The following RAB21 variants were observed in gnomAD, a reference collection of about 807,000 sequenced individuals.
RAB21 encodes the protein RAB21, member RAS oncogene family.
Under a neutral mutation model 33.1 loss-of-function variants are expected in RAB21, and 13 were observed. That is an observed-to-expected ratio of 0.39 (90% confidence interval 0.26 to 0.62). The LOEUF is 0.62. RAB21 is among the 20% of genes least tolerant of loss of function. The pLI, the probability that RAB21 is intolerant of heterozygous loss-of-function variation, is 0.48. For synonymous variants in RAB21, 91 were observed against 103.7 expected, an observed-to-expected ratio of 0.88 and a Z score of 0.74; for missense variants, 234 against 279.1, an observed-to-expected ratio of 0.84 and a Z score of 1.15.
In RAB21 at chr12:71,769,840, G is replaced by A; in HGVS notation, c.200G>A (p.Arg67Lys). The change falls in exon 2 of 7, where the codon AGA becomes AAA. Residue 67 changes from arginine (R) to lysine (K), a missense_variant. Coordinates refer to ENST00000261263, the MANE Select transcript of RAB21 (RefSeq NM_014999.4). ...AAGAAGTTAAATATTGGTGGGAAAA[G>A]AGTAAACCTTGCCATATGGGTAAGT... ...LTKKLNIGGK[R>K]VNLAIWDTAG... 2.2e-6 allele frequency: 3 copies of A among 1,383,876 alleles called. No individual in the cohort carries two copies. The highest frequency in any genetic ancestry group is 1.8e-5 in the South Asian group (1 of 56,046). 85.7% of individuals were successfully genotyped at this position (1,383,876 alleles called of 1,614,324 possible).
At chr12:71,781,503 A>G (rs1446177212) in intron 4 of RAB21, among the ~76,000 whole-genome samples, 15 of 151,684 alleles carry the variant, frequency 9.9e-5, no homozygotes, top group Admixed American at 9.8e-4. Context: ...TTTTCCCCTT[A>G]TGATTGTGGA....
chr12:71,770,288 G>T (rs191232370), intron 2 of RAB21, among the ~76,000 whole-genome samples: 1 of 152,140 alleles, frequency 6.6e-6, no homozygotes, highest in Non-Finnish European at 1.5e-5. Context: ...TTATAATACT[G>T]TGTTGGTTGT....
intron 4 of RAB21, 129 bp from the exon 5 acceptor site, chr12:71,781,902 T>C: frequency 1.5e-6 from 1 of 659,138 alleles, no homozygotes; most frequent in East Asian, 2.8e-5. Context: ...TTCAAGACAT[T>C]AGAAGTCTGG....
chr12:71,754,985 C>A lies in RAB21; in HGVS notation c.-145C>A. 1 of 782,522 alleles carries A rather than the reference C, an allele frequency of 1.3e-6. No homozygotes were observed. Among genetic ancestry groups the A allele is most frequent in the Non-Finnish European group, 1.6e-6 (1 of 640,976 alleles). 48.5% of individuals were successfully genotyped at this position (782,522 alleles called of 1,614,324 possible). A position where few individuals can be genotyped will look rare whatever the true frequency, so the allele number is the denominator to read the frequency against. ...GGACTTTCCCTCAGCCCTTCCAGGCCTCGCCCGAGGAGGGCGTGGGGACAG... is the reference window on the plus strand; with the variant it reads ...GGACTTTCCCTCAGCCCTTCCAGGCATCGCCCGAGGAGGGCGTGGGGACAG... On this transcript the variant is annotated 5_prime_UTR_variant, in exon 1 of 7. Coordinates refer to ENST00000261263, the MANE Select transcript of RAB21 (RefSeq NM_014999.4).
At chr12:71,767,840 C>T (rs1882984668) in intron 1 of RAB21, among the ~76,000 whole-genome samples, 1 of 152,146 alleles carries the variant, frequency 6.6e-6, no homozygotes, top group Non-Finnish European at 1.5e-5. Context: ...TTGACCTATC[C>T]ATTAAATATT....
At chr12:71,755,424 T>C in intron 1 of RAB21, 136 bp downstream of exon 1, 1 of 1,098,092 alleles carries the variant, frequency 9.1e-7, no homozygotes, top group Non-Finnish European at 1.2e-6. Flanking sequence ...GGTTTACCTT[T>C]CCGAATTCGC....
In RAB21 at chr12:71,800,066, C is replaced by G. The variant is rs1486228488; in HGVS notation, c.*14393C>G. 1 of 126,168 alleles carries G rather than the reference C, an allele frequency of 7.9e-6. No homozygotes were observed. Among genetic ancestry groups the G allele is most frequent in the Admixed American group, 8.1e-5 (1 of 12,416 alleles). The allele number at this position is 126,168 out of a possible 1,614,324, so 7.8% of individuals were successfully genotyped here. A position where few individuals can be genotyped will look rare whatever the true frequency, so the allele number is the denominator to read the frequency against. The stretch of plus-strand genomic sequence containing the variant: ...CCAGCCTGAGCAACAGAGTGAGACT[C>G]TATCTCAAAAAAAAAAAAAAAAAAA... On this transcript the variant is annotated 3_prime_UTR_variant, in exon 7 of 7. Coordinates refer to ENST00000261263, the MANE Select transcript of RAB21 (RefSeq NM_014999.4).
At chr12:71,763,431 T>C (rs971918925) in intron 1 of RAB21, among the ~76,000 whole-genome samples, 1 of 152,144 alleles carries the variant, frequency 6.6e-6, no homozygotes, top group Non-Finnish European at 1.5e-5. Flanking sequence ...TCTCTTATAA[T>C]CCTTTTTTTA....
In RAB21 at chr12:71,787,900, C is replaced by G. The variant is rs1432950727; in HGVS notation, c.*2227C>G. On this transcript the variant is annotated 3_prime_UTR_variant, in exon 7 of 7. Transcript: ENST00000261263. ...GTACTTTGTTTTTGACCTCCTGGCT[C>G]TTTCAGACAGAGTGAAGAAAGCTTT... The G allele has an allele frequency of 6.6e-6, 1 of 152,132 alleles. No homozygotes were observed. The highest frequency in any genetic ancestry group is 2.4e-5 in the African/African-American group (1 of 41,428). 9.4% of individuals were successfully genotyped at this position (152,132 alleles called of 1,614,324 possible). A position where few individuals can be genotyped will look rare whatever the true frequency, so the allele number is the denominator to read the frequency against.
rs1452406422 is a variant in RAB21 at position 71,791,867 on chromosome 12, T to A, written c.*6194T>A. 2 of 152,250 alleles carry A rather than the reference T, an allele frequency of 1.3e-5. No homozygotes were observed. The highest frequency in any genetic ancestry group is 2.9e-5 in the Non-Finnish European group (2 of 68,052). 9.4% of individuals were successfully genotyped at this position (152,250 alleles called of 1,614,324 possible). A position where few individuals can be genotyped will look rare whatever the true frequency, so the allele number is the denominator to read the frequency against. On this transcript the variant is annotated 3_prime_UTR_variant, in exon 7 of 7. Coordinates refer to ENST00000261263, the MANE Select transcript of RAB21 (RefSeq NM_014999.4). ...GGCCAACTAGAATCATACTTCTTTT[T>A]CTGGAAGTTTTTTTTGAGACAGGGT...
At position 71,786,321 on chromosome 12, in the gene RAB21, C is replaced by G. The variant is rs998355137; in HGVS notation, c.*648C>G. The stretch of plus-strand genomic sequence containing the variant: ...TCATTTATATTCTTTCAAATCAAAT[C>G]TTTATTTAATAACTTATATATGTTG... On this transcript the variant is annotated 3_prime_UTR_variant, in exon 7 of 7. Transcript: ENST00000261263. 2.0e-5 allele frequency: 3 copies of G among 152,524 alleles called. No homozygotes were observed. The highest frequency in any genetic ancestry group is 7.2e-5 in the African/African-American group (3 of 41,408). The allele number at this position is 152,524 out of a possible 1,614,324, so 9.4% of individuals were successfully genotyped here. A position where few individuals can be genotyped will look rare whatever the true frequency, so the allele number is the denominator to read the frequency against.
In RAB21 at chr12:71,798,700, A is replaced by C. The variant is rs1274751839; in HGVS notation, c.*13027A>C. The C allele has an allele frequency of 2.0e-5, 3 of 152,208 alleles. No individual in the cohort carries two copies. The highest frequency in any genetic ancestry group is 2.9e-5 in the Non-Finnish European group (2 of 68,040). The allele number at this position is 152,208 out of a possible 1,614,324, so 9.4% of individuals were successfully genotyped here. On this transcript the variant is annotated 3_prime_UTR_variant, in exon 7 of 7. Transcript: ENST00000261263. ...TTTTTTAACCTATTAATCAAGAAAG[A>C]CTTTTTAGTTTTATAAAACATTGTA...
chr12:71,776,704 CTCCCGTTTAAAAAAAAAAAAAAGAAT>C lies in RAB21; in HGVS notation c.391+2685_391+2710del, dbSNP rs1883124725. Among the ~76,000 whole-genome samples, 9 of 149,240 alleles carry C rather than the reference CTCCCGTTTAAAAAAAAAAAAAAGAAT, an allele frequency of 6.0e-5. No individual in the cohort carries two copies. In the South Asian group the frequency reaches 1.9e-3, roughly 31 times the overall value. On this transcript the variant is annotated intron_variant, in intron 4 of 6. Coordinates refer to ENST00000261263, the MANE Select transcript of RAB21 (RefSeq NM_014999.4). ...ATTTGAGTAATAATAAAACTCCAGT[CTCCCGTTTAAAAAAAAAAAAAAGAAT>C]TCTGAGAGCTTATTTACTACTTTTC...
chr12:71,774,922 T>G (rs1883098561), intron 4 of RAB21, among the ~76,000 whole-genome samples: 1 of 152,118 alleles, frequency 6.6e-6, no homozygotes, highest in African/African-American at 2.4e-5. Flanking sequence ...TGATTTTGCT[T>G]AGAAAAAAAG....
At chr12:71,784,659 G>T (rs1883256948) in intron 6 of RAB21, among the ~76,000 whole-genome samples, 2 of 151,632 alleles carry the variant, frequency 1.3e-5, no homozygotes, top group South Asian at 4.2e-4. Context: ...GTGTTTTTTT[G>T]GTTCCACTGA....
intron 4 of RAB21, among the ~76,000 whole-genome samples, chr12:71,780,438 C>CA (rs1883180690): frequency 6.6e-6 from 1 of 152,212 alleles, no homozygotes; most frequent in African/African-American, 2.4e-5. Context: ...TACAGAATAA[C>CA]ACGACGGTTT....
At chr12:71,759,888 C>T (rs1166051220) in intron 1 of RAB21, among the ~76,000 whole-genome samples, 2 of 152,206 alleles carry the variant, frequency 1.3e-5, no homozygotes, top group Non-Finnish European at 2.9e-5. Flanking sequence ...ATTCTAATGC[C>T]TGTAAGCAAG....
chr12:71,760,436 A>G (rs1882855448), intron 1 of RAB21, among the ~76,000 whole-genome samples: 1 of 152,206 alleles, frequency 6.6e-6, no homozygotes, highest in African/African-American at 2.4e-5. Context: ...AAACTTGGGA[A>G]AAATAAGAAA....
At chr12:71,774,756 TAAAAAAAA>T (rs34870844) in intron 4 of RAB21, among the ~76,000 whole-genome samples, 1 of 133,856 alleles carries the variant, frequency 7.5e-6, no homozygotes, top group Non-Finnish European at 1.6e-5. Context: ...GACTGTGTCT[TAAAAAAAA>T]AAAAAAAAAG....
Sources: allele counts gnomAD v4.1 joint callset (sites outside exome capture counted in the v4.1 genomes callset), GRCh38; gene constraint gnomAD v4.1.1; transcripts MANE v1.5; gene names NCBI Gene and HGNC (gene_info 2026-07-23, HGNC 2026-07-21).